The following NTF3 variants were observed in gnomAD, a reference collection of about 807,000 sequenced individuals.
The protein encoded by NTF3 is neurotrophin 3.
A neutral mutation model predicts 26.3 loss-of-function variants in NTF3; 8 were observed. The ratio of observed to expected loss-of-function variants is 0.30; its 90% CI spans 0.18 to 0.55. The LOEUF (loss-of-function observed/expected upper bound fraction) is 0.55, where lower values mean the gene tolerates loss of function less well. Among genes scored for constraint, NTF3 ranks in the 20% least tolerant of loss-of-function variants. The pLI, the probability that NTF3 is intolerant of heterozygous loss-of-function variation, is 0.93. For synonymous variants in NTF3, 154 were observed against 145.5 expected (o/e 1.06, Z -0.42); for missense variants, 276 against 352.9 (o/e 0.78, Z 1.75).
At chr12:5,482,653 A>G (rs12298442) in intron 1 of NTF3, among the ~76,000 whole-genome samples, 66,106 of 151,222 alleles carry the variant, frequency 0.44, 14,444 homozygotes, top group South Asian at 0.52. Flanking sequence ...CTTGGGCTCA[A>G]CTGAAACCCC....
intron 1 of NTF3, among the ~76,000 whole-genome samples, chr12:5,445,497 G>T (rs1940294465): frequency 6.6e-6 from 1 of 152,204 alleles, no homozygotes; most frequent in Non-Finnish European, 1.5e-5. Context: ...ATGCCATCCA[G>T]TTGCTTGGGG....
At chr12:5,477,708 G>A (rs1165524045) in intron 1 of NTF3, among the ~76,000 whole-genome samples, 1 of 152,146 alleles carries the variant, frequency 6.6e-6, no homozygotes, top group Non-Finnish European at 1.5e-5. Flanking sequence ...AGTATGGAGT[G>A]CATGATTTCT....
At chr12:5,472,466 A>G (rs1483487181) in intron 1 of NTF3, among the ~76,000 whole-genome samples, 1 of 152,216 alleles carries the variant, frequency 6.6e-6, no homozygotes, top group Non-Finnish European at 1.5e-5. Flanking sequence ...ACTTTAAAAT[A>G]CAACGAACAG....
intron 1 of NTF3, among the ~76,000 whole-genome samples, chr12:5,478,312 T>C (rs966479692): frequency 1.3e-5 from 2 of 152,268 alleles, no homozygotes; most frequent in African/African-American, 2.4e-5. Context: ...GAAGCATCCA[T>C]GCATTGTAAA....
intron 1 of NTF3, among the ~76,000 whole-genome samples, chr12:5,467,620 C>T (rs868313163): frequency 6.6e-5 from 10 of 152,192 alleles, no homozygotes; most frequent in African/African-American, 1.2e-4. Flanking sequence ...ATTGGAGGCA[C>T]AAAAGCCAGT....
At chr12:5,454,624 T>C (rs1940414533) in intron 1 of NTF3, among the ~76,000 whole-genome samples, 1 of 152,250 alleles carries the variant, frequency 6.6e-6, no homozygotes, top group Non-Finnish European at 1.5e-5. Context: ...GTGGGGTCTC[T>C]GTCCACACCA....
intron 1 of NTF3, among the ~76,000 whole-genome samples, chr12:5,485,317 G>A (rs1168587386): frequency 3.9e-5 from 6 of 152,234 alleles, no homozygotes; most frequent in Non-Finnish European, 8.8e-5. Flanking sequence ...TTACTGCAAT[G>A]AAGTGGCAGG....
intron 1 of NTF3, among the ~76,000 whole-genome samples, chr12:5,492,304 TC>T (rs1940947996): frequency 6.6e-6 from 1 of 152,216 alleles, no homozygotes; most frequent in Non-Finnish European, 1.5e-5. Context: ...AGAGCGGATA[TC>T]CTGTGTATTC....
intron 1 of NTF3, among the ~76,000 whole-genome samples, chr12:5,457,943 C>A (rs1003502989): frequency 6.6e-6 from 1 of 152,176 alleles, no homozygotes; most frequent in African/African-American, 2.4e-5. Context: ...CAGATCTCCT[C>A]GTCACCACTG....
chr12:5,465,716 C>A (rs918618840), intron 1 of NTF3, among the ~76,000 whole-genome samples: 14 of 152,240 alleles, frequency 9.2e-5, no homozygotes, highest in Non-Finnish European at 2.9e-5. Context: ...AGGCCCCCAT[C>A]CCCACCACAC....
intron 1 of NTF3, among the ~76,000 whole-genome samples, chr12:5,463,341 A>T (rs1294156256): frequency 2.6e-5 from 4 of 152,206 alleles, no homozygotes; most frequent in African/African-American, 9.6e-5. Flanking sequence ...GCCCTCACAC[A>T]GCTTAGAAAC....
At chr12:5,452,305 C>CAGG (rs1420595297) in intron 1 of NTF3, among the ~76,000 whole-genome samples, 9 of 151,382 alleles carry the variant, frequency 5.9e-5, no homozygotes, top group Admixed American at 4.0e-4. Flanking sequence ...CATGTCAGCC[C>CAGG]AGGAAGGTCT....
intron 1 of NTF3, among the ~76,000 whole-genome samples, chr12:5,481,494 ATAC>A (rs1940795193): frequency 8.2e-5 from 1 of 12,254 alleles, no homozygotes; most frequent in Non-Finnish European, 2.0e-4. Flanking sequence ...CACACCACAG[ATAC>A]ACAGAATACC....
intron 1 of NTF3, among the ~76,000 whole-genome samples, chr12:5,471,194 A>G (rs1003163479): frequency 6.6e-6 from 1 of 152,142 alleles, no homozygotes; most frequent in African/African-American, 2.4e-5. Context: ...TTCAAGGGCT[A>G]TTAATGTGGA....
At chr12:5,482,460 A>G (rs1940818776) in intron 1 of NTF3, among the ~76,000 whole-genome samples, 1 of 152,192 alleles carries the variant, frequency 6.6e-6, no homozygotes, top group African/African-American at 2.4e-5. Context: ...CTGGCAGTAG[A>G]AAGAAATGTA....
intron 1 of NTF3, among the ~76,000 whole-genome samples, chr12:5,475,608 G>T (rs1940712436): frequency 6.6e-6 from 1 of 152,176 alleles, no homozygotes; most frequent in Non-Finnish European, 1.5e-5. Flanking sequence ...GCTATGGTGG[G>T]AGGATTGCTT....
chr12:5,448,226 A>G (rs1211734938), intron 1 of NTF3, among the ~76,000 whole-genome samples: 1 of 152,214 alleles, frequency 6.6e-6, no homozygotes, highest in Admixed American at 6.5e-5. Flanking sequence ...TGAAACATCC[A>G]TAGTCCCATT....
chr12:5,494,811 G>A lies in NTF3; in HGVS notation c.636G>A (p.Arg212=), dbSNP rs1940988166. The A allele has an allele frequency of 4.3e-6, 7 of 1,613,996 alleles. No individual in the cohort carries two copies. Among genetic ancestry groups the A allele is most frequent in the Non-Finnish European group, 5.9e-6 (7 of 1,180,044 alleles). The change falls in exon 2 of 2, where the codon AGG becomes AGA. Residue 212 remains arginine (R), a synonymous_variant. Transcript: ENST00000423158. This position sits in a 1 kb window ranked among gnomAD's most constrained non-coding sequence, Gnocchi z 8.3. ...ATGAAACGCGATGTAAGGAAGCCAG[G>A]CCGGTCAAAAACGGTTGCAGGGGTA... ...YFYETRCKEA[R]PVKNGCRGID... is the part of the protein sequence containing the mutation.
Position 5,432,128 on chromosome 12 carries a change from T to G in NTF3, c.-197T>G. On this transcript the variant is annotated 5_prime_UTR_variant, in exon 1 of 2. Transcript: ENST00000423158. ...ACGGGACTCAGAGTTGAAGCTCCTC[T>G]CCCTTCCGAACAGCTCCGCGCACCG... is the stretch of plus-strand genomic sequence containing the variant. The G allele has an allele frequency of 1.5e-6, 1 of 666,346 alleles. No individual in the cohort carries two copies. The highest frequency in any genetic ancestry group is 2.7e-6 in the Non-Finnish European group (1 of 368,942). The allele number at this position is 666,346 out of a possible 1,614,324, so 41.3% of individuals were successfully genotyped here. A position where few individuals can be genotyped will look rare whatever the true frequency, so the allele number is the denominator to read the frequency against.
Sources: gnomAD v4.1 joint callset for allele counts (sites outside exome capture counted in the v4.1 genomes callset) on GRCh38, gnomAD v4.1.1 for gene constraint, Gnocchi (gnomAD v3.1) non-coding constraint, MANE v1.5 for transcripts, NCBI Gene and HGNC (gene_info 2026-07-23, HGNC 2026-07-21) for gene names.